XPO6: variants seen among roughly 807,000 people sequenced by gnomAD.
The protein encoded by XPO6 is exportin-6.
XPO6 carries 3 observed loss-of-function variants against 130.0 expected under a neutral mutation model. That is an observed-to-expected ratio of 0.02 (90% CI 0.01 to 0.06). The LOEUF is 0.06. Ranked by LOEUF, XPO6 falls within the 10% of genes least tolerant of loss-of-function variation. The pLI is 1.00. For missense variants in XPO6, 970 were observed against 1,393.0 expected, an observed-to-expected ratio of 0.70 and a Z score of 4.83; for synonymous variants, 524 against 548.9, an observed-to-expected ratio of 0.95 and a Z score of 0.63.
At chr16:28,127,405 A>C (rs551980709) in intron 12 of XPO6, among the ~76,000 whole-genome samples, 2 of 152,186 alleles carry the variant, frequency 1.3e-5, no homozygotes, top group Admixed American at 1.3e-4. Flanking sequence ...ACTGACCACA[A>C]AATCCCTCGT....
intron 4 of XPO6, among the ~76,000 whole-genome samples, chr16:28,172,695 A>G (rs917044293): frequency 4.6e-5 from 7 of 152,140 alleles, no homozygotes; most frequent in Non-Finnish European, 8.8e-5. Context: ...CACCACAATT[A>G]TAACAAAAAC....
intron 9 of XPO6, among the ~76,000 whole-genome samples, chr16:28,135,659 C>T (rs568905030): frequency 1.8e-4 from 27 of 152,126 alleles, no homozygotes; most frequent in African/African-American, 6.3e-4. Flanking sequence ...ACTTTTTGCA[C>T]GGAATATCTC....
In XPO6 at chr16:28,178,680, C is replaced by T. The variant is rs148140948; in HGVS notation, c.95-1348G>A. 3.2e-4 allele frequency among the ~76,000 whole-genome samples: 48 copies of T among 151,638 alleles called. No homozygotes were observed. In the East Asian group the frequency reaches 9.1e-3, roughly 29 times the overall value. ...GTGCCTGAAGCTTTAGCCCAGGAGG[C>T]CGAGGTTGCAATGAGCTATGATCAC... On this transcript the variant is annotated intron_variant, in intron 2 of 23. Transcript: ENST00000304658.
intron 1 of XPO6, among the ~76,000 whole-genome samples, chr16:28,182,875 G>A (rs1398439366): frequency 2.2e-5 from 3 of 139,012 alleles, no homozygotes; most frequent in African/African-American, 2.7e-5. Flanking sequence ...CGAGTCTGGT[G>A]TGCCATTTCA....
At chr16:28,189,134 T>TGG (rs1265945441) in intron 1 of XPO6, among the ~76,000 whole-genome samples, 1 of 151,586 alleles carries the variant, frequency 6.6e-6, no homozygotes, top group Non-Finnish European at 1.5e-5. Context: ...TTTGTAGAGC[T>TGG]GGGGTTTCGC....
chr16:28,103,081 T>A (rs535384503), intron 21 of XPO6, among the ~76,000 whole-genome samples: 5 of 152,272 alleles, frequency 3.3e-5, no homozygotes, highest in African/African-American at 1.2e-4. Context: ...AATTCTGACC[T>A]ACCTGTGGAT....
chr16:28,210,033 G>A (rs2141923829), intron 1 of XPO6, among the ~76,000 whole-genome samples: 1 of 152,254 alleles, frequency 6.6e-6, no homozygotes, highest in East Asian at 1.9e-4. Context: ...GGAGGCTAAG[G>A]TGGGAGGACT....
At chr16:28,119,399 A>G (rs1216867151) in intron 14 of XPO6, among the ~76,000 whole-genome samples, 1 of 152,204 alleles carries the variant, frequency 6.6e-6, no homozygotes. Context: ...ATGATGCAAG[A>G]GGAAAGGCAC....
intron 6 of XPO6, among the ~76,000 whole-genome samples, chr16:28,160,490 T>C (rs2043258030): frequency 1.1e-5 from 1 of 88,594 alleles, no homozygotes; most frequent in Non-Finnish European, 2.0e-5. Flanking sequence ...GATAACAAAG[T>C]GAGACTCCAT....
chr16:28,164,636 T>C (rs1183260904), intron 6 of XPO6, among the ~76,000 whole-genome samples: 1 of 152,234 alleles, frequency 6.6e-6, no homozygotes, highest in African/African-American at 2.4e-5. Flanking sequence ...TTTTAGGTTT[T>C]GTTACAAGCA....
At position 28,136,585 on chromosome 16, in the gene XPO6, T is replaced by C. The variant is rs962343127; in HGVS notation, c.1335-1261A>G. On this transcript the variant is annotated intron_variant, in intron 9 of 23. Coordinates refer to ENST00000304658, the MANE Select transcript of XPO6 (RefSeq NM_015171.4). ...ATCTTTAGTCCATTTTAAGAAGACT[T>C]AGAAACTAAAAAGAGCCTGGGGAAA... Among the ~76,000 whole-genome samples, 3 of 152,336 alleles carry C rather than the reference T, an allele frequency of 2.0e-5. No individual in the cohort carries two copies. The South Asian group carries it at 6.2e-4, about 32-fold the overall frequency.
chr16:28,175,832 C>T (rs1267654263), intron 4 of XPO6, 66 bp downstream of exon 4: 3 of 1,478,028 alleles, frequency 2.0e-6, no homozygotes, highest in Non-Finnish European at 9.4e-7. Flanking sequence ...CTCTTCAGGA[C>T]AAGGAAATAA....
chr16:28,138,901 CAA>C (rs1567615396), intron 9 of XPO6, among the ~76,000 whole-genome samples: 3 of 152,228 alleles, frequency 2.0e-5, no homozygotes, highest in South Asian at 4.1e-4. Context: ...ACTTGCTACT[CAA>C]AGAGACACAA....
At chr16:28,154,039 G>A in intron 7 of XPO6, 1 of 985,180 alleles carries the variant, frequency 1.0e-6, no homozygotes, top group South Asian at 4.7e-5. Flanking sequence ...ATGGGGCCAA[G>A]TACTCGAAAA....
Position 28,101,271 on chromosome 16 carries a change from G to GCCCCTC in XPO6, c.3276+186_3276+187insGAGGGG, listed in dbSNP as rs777228840. The GCCCCTC allele has an allele frequency of 1.5e-6, 1 of 681,452 alleles. No homozygotes were observed. The highest frequency in any genetic ancestry group is 1.6e-5 in the South Asian group (1 of 64,240). 42.2% of individuals were successfully genotyped at this position (681,452 alleles called of 1,614,324 possible). A position where few individuals can be genotyped will look rare whatever the true frequency, so the allele number is the denominator to read the frequency against. The stretch of plus-strand genomic sequence containing the variant: ...ACGTGCTACAGACACCAAGACTGGG[G>GCCCCTC]AAAAGGCTGTGCCCCTCAATCAGGC... On this transcript the variant is annotated intron_variant, in intron 23 of 23. Transcript: ENST00000304658. The surrounding 1 kb of genome is among the most constrained non-coding windows in gnomAD (Gnocchi z 5.4).
chr16:28,210,768 T>G (rs1304866699), intron 1 of XPO6, among the ~76,000 whole-genome samples: 2 of 152,172 alleles, frequency 1.3e-5, no homozygotes, highest in Non-Finnish European at 2.9e-5. Context: ...TCACGACCAT[T>G]CCTGACTTTG....
intron 1 of XPO6, among the ~76,000 whole-genome samples, chr16:28,197,334 A>G (rs1411615753): frequency 6.6e-6 from 1 of 152,174 alleles, no homozygotes; most frequent in East Asian, 1.9e-4. Flanking sequence ...ATGTTAAGCC[A>G]CTATTTCTAA....
chr16:28,112,762 T>C (rs1358334425), intron 16 of XPO6, 142 bp downstream of exon 16: 4 of 1,089,960 alleles, frequency 3.7e-6, no homozygotes, highest in African/African-American at 1.6e-5. Flanking sequence ...TCTGTGTCAG[T>C]GCCACACAAT....
At chr16:28,128,875 T>A (rs1226937397) in intron 12 of XPO6, among the ~76,000 whole-genome samples, 2 of 152,206 alleles carry the variant, frequency 1.3e-5, no homozygotes, top group African/African-American at 4.8e-5. Flanking sequence ...GCTGACAGCA[T>A]GATAGCCCTG....
Sources: allele counts gnomAD v4.1 joint callset (sites outside exome capture counted in the v4.1 genomes callset), GRCh38; gene constraint gnomAD v4.1.1; non-coding constraint Gnocchi (gnomAD v3.1); transcripts MANE v1.5; gene names NCBI Gene and HGNC (gene_info 2026-07-23, HGNC 2026-07-21).